The following SLC12A7 variants were observed in gnomAD, a reference collection of about 807,000 sequenced individuals.
SLC12A7 encodes the protein K-Cl cotransporter 4.
A neutral mutation model predicts 120.6 loss-of-function variants in SLC12A7; 100 were observed. The observed-to-expected ratio is 0.83, with a 90% CI of 0.71 to 0.98. The LOEUF (loss-of-function observed/expected upper bound fraction) is 0.98. Ranked by LOEUF, SLC12A7 falls within the 50% of genes least tolerant of loss-of-function variation. The pLI is 0.00. For synonymous variants in SLC12A7, 760 were observed against 678.0 expected (o/e 1.12, Z -1.88); for missense variants, 1,373 against 1,548.1 (o/e 0.89, Z 1.90).
At chr5:1,102,461 C>CG (rs1342151564) in intron 1 of SLC12A7, among the ~76,000 whole-genome samples, 15 of 152,230 alleles carry the variant, frequency 9.9e-5, no homozygotes, top group Non-Finnish European at 2.9e-5. Context: ...AGCCATTCTC[C>CG]GCAAAGGGCT....
chr5:1,077,803 G>C (rs1179958415), intron 12 of SLC12A7, 30 bp downstream of exon 12: 2 of 1,538,398 alleles, frequency 1.3e-6, no homozygotes, highest in African/African-American at 2.8e-5. Context: ...TGACCTTCCA[G>C]GGTCCCCCCG....
At chr5:1,085,651 C>T (rs1187535678) in intron 6 of SLC12A7, among the ~76,000 whole-genome samples, 178 bp from the exon 7 acceptor site, 5 of 135,266 alleles carry the variant, frequency 3.7e-5, no homozygotes, top group East Asian at 2.0e-4. Context: ...GGACGGAGCC[C>T]GCGGGGGTCA....
intron 1 of SLC12A7, among the ~76,000 whole-genome samples, chr5:1,095,664 C>G (rs1333599956): frequency 2.6e-5 from 4 of 152,248 alleles, no homozygotes; most frequent in Non-Finnish European, 1.5e-5. Context: ...CATCACTGCA[C>G]CAAACAACCC....
intron 22 of SLC12A7, chr5:1,056,613 A>G: frequency 1.0e-6 from 1 of 984,642 alleles, no homozygotes; most frequent in East Asian, 1.1e-4. Context: ...AGGAGAAAAA[A>G]ACAAGAGTGT....
the SLC12A7 span, among the ~76,000 whole-genome samples, chr5:1,128,647 A>G: frequency 1.3e-5 from 2 of 152,350 alleles, no homozygotes; most frequent in African/African-American, 4.8e-5. Flanking sequence ...GGTACAGACC[A>G]GGTGGCCCAT....
intron 14 of SLC12A7, 33 bp downstream of exon 14, chr5:1,076,105 G>A: frequency 6.4e-7 from 1 of 1,564,930 alleles, no homozygotes. Flanking sequence ...CCCAGCCTGT[G>A]GGGCTCCTCA....
Position 1,059,720 on chromosome 5 carries a change from G to A in SLC12A7, c.2847+624C>T, listed in dbSNP as rs532121016. ...GGAGCCAAAGCCGCTGCAGCCAGGC[G>A]GCCAGCTTCCACGCACGGAGGCTGC... is the stretch of plus-strand genomic sequence containing the variant. On this transcript the variant is annotated intron_variant, in intron 21 of 23. Transcript: ENST00000264930. Among the ~76,000 whole-genome samples, 10 of 145,334 alleles carry A rather than the reference G, an allele frequency of 6.9e-5. No individual in the cohort carries two copies. In the East Asian group the frequency reaches 1.6e-3, roughly 23 times the overall value.
chr5:1,105,984 T>G (rs989032342), intron 1 of SLC12A7, among the ~76,000 whole-genome samples: 156 of 152,240 alleles, frequency 1.0e-3, no homozygotes, highest in African/African-American at 3.5e-3. Flanking sequence ...ACCCAGGGAC[T>G]CCTGCCCCAC....
chr5:1,080,119 C>T (rs529752859), intron 9 of SLC12A7, among the ~76,000 whole-genome samples: 20 of 152,176 alleles, frequency 1.3e-4, no homozygotes, highest in Middle Eastern at 3.4e-3. Context: ...AATCCAGTGC[C>T]GCGGAGACAC....
chr5:1,114,751 G>T (rs1743249204), upstream of SLC12A7, among the ~76,000 whole-genome samples: 5 of 152,140 alleles, frequency 3.3e-5, no homozygotes. Context: ...CCAGTCCCCT[G>T]GCAAGGCCGG....
the SLC12A7 span, among the ~76,000 whole-genome samples, chr5:1,148,937 C>T: frequency 6.6e-6 from 1 of 152,190 alleles, no homozygotes; most frequent in Admixed American, 6.5e-5. Flanking sequence ...GGTGTAGGAG[C>T]TCCATTCAAA....
chr5:1,126,784 G>A, the SLC12A7 span, among the ~76,000 whole-genome samples: 1 of 152,126 alleles, frequency 6.6e-6, no homozygotes, highest in Non-Finnish European at 1.5e-5. Context: ...ACAACCTATC[G>A]AAACCATAAG....
rs1227567614 is a variant in SLC12A7, at chr5:1,053,385, G to A, written c.3124C>T (p.Pro1042Ser). 1 of 1,614,040 alleles carries A rather than the reference G, an allele frequency of 6.2e-7. No individual in the cohort carries two copies. The highest frequency in any genetic ancestry group is 1.7e-5 in the Admixed American group (1 of 60,020). Reference sequence around the variant, plus strand: ...CCCTGCCGGTTTTTGGGAGGACCTGGCATGTTGAGCAGGACCAGCTGCGCA... The same window carrying A: ...CCCTGCCGGTTTTTGGGAGGACCTGACATGTTGAGCAGGACCAGCTGCGCA... ...QDAQLVLLNM[P>S]GPPKNRQGDE... is the part of the protein sequence containing the mutation. Residue 1042 changes from proline to serine, a missense_variant, in exon 23 of 24, where the codon CCA becomes TCA. By Grantham distance (74) the Pro-to-Ser change is moderately conservative. Transcript: ENST00000264930.
Position 1,057,456 on chromosome 5 carries a change from C to T in SLC12A7, c.3026+15G>A, listed in dbSNP as rs75296832. ...CAGGATCTGTTCCCCCCAGGCCACA[C>T]GCACGGACACTCACGGCTTCATGCT... On this transcript the variant is annotated intron_variant, in intron 22 of 23. Transcript: ENST00000264930. 25,241 of 1,600,224 alleles carry T rather than the reference C, an allele frequency of 0.016. 250 individuals are homozygous for T. The highest frequency in any genetic ancestry group is 0.019 in the Non-Finnish European group (22,518 of 1,175,022).
At chr5:1,055,507 C>T (rs149365164) in intron 22 of SLC12A7, among the ~76,000 whole-genome samples, 1 of 152,346 alleles carries the variant, frequency 6.6e-6, no homozygotes, top group East Asian at 1.9e-4. Context: ...TTCTCCCAGC[C>T]CAACCCCGAG....
chr5:1,144,356 G>A, the SLC12A7 span, among the ~76,000 whole-genome samples: 1 of 152,268 alleles, frequency 6.6e-6, no homozygotes, highest in African/African-American at 2.4e-5. Context: ...GCTCCGACAA[G>A]GAGTGGCCCC....
intron 3 of SLC12A7, 57 bp downstream of exon 3, chr5:1,093,476 A>C: frequency 1.3e-6 from 1 of 749,958 alleles, no homozygotes. Context: ...GGCGTGATCT[A>C]ACCCTGCCGG....
intron 20 of SLC12A7, among the ~76,000 whole-genome samples, chr5:1,063,413 AGGAGGACACGGGACCAT>A (rs935020501): frequency 1.5e-4 from 23 of 152,194 alleles, no homozygotes; most frequent in African/African-American, 5.3e-4. Context: ...TCCCGGGCCG[AGGAGGACACGGGACCAT>A]GGAGGACACG....
chr5:1,099,784 T>TC (rs1202979439), intron 1 of SLC12A7, among the ~76,000 whole-genome samples: 9 of 152,104 alleles, frequency 5.9e-5, no homozygotes, highest in Middle Eastern at 3.2e-3. Flanking sequence ...GCTCATGGTC[T>TC]CCCCAAAACC....
Sources: gnomAD v4.1 joint callset for allele counts (sites outside exome capture counted in the v4.1 genomes callset) on GRCh38, gnomAD v4.1.1 for gene constraint, MANE v1.5 for transcripts, NCBI Gene and HGNC (gene_info 2026-07-23, HGNC 2026-07-21) for gene names.